Variants in RALYL observed in about 807,000 individuals in gnomAD.
RALYL encodes RALY RNA binding protein like.
A neutral mutation model predicts 35.1 loss-of-function variants in RALYL; 29 were observed. The observed-to-expected ratio is 0.83, with a 90% confidence interval of 0.61 to 1.13. The LOEUF is 1.13. Among genes scored for constraint, RALYL ranks in the 50% most tolerant of loss-of-function variants. The pLI, the probability that RALYL is intolerant of heterozygous loss-of-function variation, is 0.00. For synonymous variants in RALYL, 120 were observed against 127.6 expected, an observed-to-expected ratio of 0.94 and a Z score of 0.40; for missense variants, 359 against 360.4, an observed-to-expected ratio of 1.00 and a Z score of 0.03.
Position 84,887,764 on chromosome 8 carries a change from G to A in RALYL, c.846G>A (p.Gly282=). The A allele has an allele frequency of 1.2e-6, 2 of 1,613,058 alleles. No individual in the cohort carries two copies. The highest frequency in any genetic ancestry group is 8.5e-7 in the Non-Finnish European group (1 of 1,179,496). ...TAGAGGAGGACTTCGATGAAGATGG[G>A]GGTCATGAGCTGGTAGGAAAGAAAC... ...DGIEEDFDED[G]GHELFLQIK The change falls in exon 8 of 9, where the codon GGG becomes GGA. Residue 282 remains glycine, a synonymous_variant. Coordinates refer to ENST00000521268, the MANE Select transcript of RALYL (RefSeq NM_173848.7).
intron 1 of RALYL, among the ~76,000 whole-genome samples, chr8:84,526,474 G>C (rs1427115904): frequency 6.6e-6 from 1 of 152,076 alleles, no homozygotes; most frequent in Non-Finnish European, 1.5e-5. Context: ...CACTGCTGCT[G>C]GTAGGAACTT....
chr8:84,562,789 T>C (rs984871637), intron 2 of RALYL, among the ~76,000 whole-genome samples: 2 of 151,924 alleles, frequency 1.3e-5, no homozygotes, highest in African/African-American at 2.4e-5. Flanking sequence ...ATAAGGTCTC[T>C]AGGCAATGAC....
chr8:84,476,943 G>A (rs2053495189), intron 1 of RALYL, among the ~76,000 whole-genome samples: 1 of 152,138 alleles, frequency 6.6e-6, no homozygotes, highest in African/African-American at 2.4e-5. Flanking sequence ...TTTTTATGTG[G>A]TAATGAAGAC....
chr8:84,846,012 C>A (rs919117650), intron 4 of RALYL, among the ~76,000 whole-genome samples: 1 of 152,010 alleles, frequency 6.6e-6, no homozygotes, highest in Non-Finnish European at 1.5e-5. Context: ...ATTTTTGTAC[C>A]AGGACCATGC....
At chr8:84,817,175 GT>G (rs1827521582) in intron 4 of RALYL, among the ~76,000 whole-genome samples, 1 of 152,082 alleles carries the variant, frequency 6.6e-6, no homozygotes, top group Admixed American at 6.6e-5. Context: ...AACAGCTGTA[GT>G]TCACGAACCC....
At chr8:84,454,636 C>T (rs2049928143) in intron 1 of RALYL, among the ~76,000 whole-genome samples, 1 of 152,106 alleles carries the variant, frequency 6.6e-6, no homozygotes, top group African/African-American at 2.4e-5. Flanking sequence ...TGGTGCTCTC[C>T]TTCACTTGGC....
intron 4 of RALYL, among the ~76,000 whole-genome samples, chr8:84,839,961 C>T (rs2134552634): frequency 6.6e-6 from 1 of 152,270 alleles, no homozygotes; most frequent in South Asian, 2.1e-4. Flanking sequence ...ACCAAAACCC[C>T]ATCTGTACGT....
chr8:84,816,369 A>ACTT (rs1437846467), intron 4 of RALYL, among the ~76,000 whole-genome samples: 1 of 152,206 alleles, frequency 6.6e-6, no homozygotes, highest in African/African-American at 2.4e-5. Flanking sequence ...ATGAAGTTGA[A>ACTT]CTTTTAAAGA....
At chr8:84,778,705 A>T (rs868206742) in intron 3 of RALYL, among the ~76,000 whole-genome samples, 3 of 152,156 alleles carry the variant, frequency 2.0e-5, no homozygotes, top group Non-Finnish European at 4.4e-5. Context: ...CAGGCTGTGA[A>T]TATATCTATA....
chr8:84,813,695 G>C (rs1826437949), intron 4 of RALYL, among the ~76,000 whole-genome samples: 1 of 152,124 alleles, frequency 6.6e-6, no homozygotes, highest in Non-Finnish European at 1.5e-5. Context: ...ATATGCACTG[G>C]TGAAAGTTGC....
chr8:84,358,857 T>C (rs1852378460), intron 1 of RALYL, among the ~76,000 whole-genome samples: 1 of 152,020 alleles, frequency 6.6e-6, no homozygotes, highest in Non-Finnish European at 1.5e-5. Flanking sequence ...TTATAAGAAC[T>C]ATATGTGAGG....
At chr8:84,414,317 C>T (rs1297380575) in intron 1 of RALYL, among the ~76,000 whole-genome samples, 1 of 152,028 alleles carries the variant, frequency 6.6e-6, no homozygotes, top group Non-Finnish European at 1.5e-5. Context: ...TCATTTTATC[C>T]ACATTTCATT....
At chr8:84,390,090 A>G (rs994085590) in intron 1 of RALYL, among the ~76,000 whole-genome samples, 3 of 151,500 alleles carry the variant, frequency 2.0e-5, no homozygotes, top group Non-Finnish European at 1.5e-5. Flanking sequence ...TTTCTGCATC[A>G]ATTGAGATAA....
chr8:84,648,375 G>A (rs1350022864), intron 2 of RALYL, among the ~76,000 whole-genome samples: 1 of 152,074 alleles, frequency 6.6e-6, no homozygotes, highest in Non-Finnish European at 1.5e-5. Context: ...AAAAGTTTAT[G>A]TTTTATTCAT....
intron 2 of RALYL, among the ~76,000 whole-genome samples, chr8:84,707,849 T>C (rs1841487292): frequency 6.6e-6 from 1 of 152,122 alleles, no homozygotes; most frequent in East Asian, 1.9e-4. Context: ...ATGGTTTGCA[T>C]TCCAATGCGT....
chr8:84,436,947 C>G (rs993301514), intron 1 of RALYL, among the ~76,000 whole-genome samples: 2 of 151,930 alleles, frequency 1.3e-5, no homozygotes, highest in African/African-American at 2.4e-5. Context: ...ATGAGTGATG[C>G]TGGGGTTGCT....
chr8:84,741,520 T>C (rs1807303621), intron 2 of RALYL, among the ~76,000 whole-genome samples: 1 of 152,060 alleles, frequency 6.6e-6, no homozygotes, highest in South Asian at 2.1e-4. Flanking sequence ...TGGACTCACA[T>C]GGCAGAAGAG....
chr8:84,522,209 T>G (rs1377740785), intron 1 of RALYL, among the ~76,000 whole-genome samples: 2 of 152,054 alleles, frequency 1.3e-5, no homozygotes, highest in African/African-American at 4.8e-5. Flanking sequence ...TAAAATATTT[T>G]ATATCTTTAA....
chr8:84,779,109 C>T (rs1053927305), intron 3 of RALYL, among the ~76,000 whole-genome samples: 1 of 152,134 alleles, frequency 6.6e-6, no homozygotes, highest in Non-Finnish European at 1.5e-5. Flanking sequence ...ATAGCTAATC[C>T]ATTCTCTAGG....
Sources: allele counts gnomAD v4.1 joint callset (sites outside exome capture counted in the v4.1 genomes callset), GRCh38; gene constraint gnomAD v4.1.1; transcripts MANE v1.5; gene names NCBI Gene and HGNC (gene_info 2026-07-23, HGNC 2026-07-21).